The following CPT2 variants were observed in gnomAD, a reference collection of about 807,000 sequenced individuals.
CPT2 encodes the protein carnitine palmitoyltransferase 2.
CPT2 carries 37 observed loss-of-function variants against 48.6 expected under a neutral mutation model. That is an observed-to-expected ratio of 0.76 (90% CI 0.59 to 1.00). CPT2 has a LOEUF of 1.00. Among genes scored for constraint, CPT2 ranks in the 50% least tolerant of loss-of-function variants. The probability of loss-of-function intolerance (pLI) is 0.00; values close to 1 mark genes in which losing one functional copy is unlikely to be tolerated. For synonymous variants in CPT2, 319 were observed against 326.9 expected (o/e 0.98, Z 0.26); for missense variants, 772 against 825.6 (o/e 0.94, Z 0.80).
At chr1:53,209,018 C>T (rs1645404030) in intron 3 of CPT2, 1 of 152,200 alleles carries the variant, frequency 6.6e-6, no homozygotes, top group Non-Finnish European at 1.5e-5. Context: ...AGTAGTTCCA[C>T]TCCTAGCTAT....
intron 4 of CPT2, chr1:53,211,573 C>T: frequency 2.0e-6 from 1 of 511,076 alleles, no homozygotes; most frequent in South Asian, 3.5e-5. Context: ...TCACTTTCAG[C>T]TGTGACGCAT....
At chr1:53,211,403 G>A in intron 4 of CPT2, 84 bp downstream of exon 4, 1 of 1,362,746 alleles carries the variant, frequency 7.3e-7, no homozygotes, top group Non-Finnish European at 1.0e-6. Flanking sequence ...CTCCAAATCT[G>A]ATTTCTACCC....
intron 3 of CPT2, among the ~76,000 whole-genome samples, chr1:53,205,385 T>C (rs182642504): frequency 6.6e-6 from 1 of 152,214 alleles, no homozygotes; most frequent in Admixed American, 6.5e-5. Context: ...CAACAAAGCA[T>C]TCAAGATGGC....
chr1:53,200,624 A>T (rs762746554), intron 1 of CPT2, 95 bp from the exon 2 acceptor site: 11 of 978,888 alleles, frequency 1.1e-5, no homozygotes, highest in Non-Finnish European at 1.6e-5. Flanking sequence ...TTGGGGGAGG[A>T]AATTAATGAT....
chr1:53,201,103 TACCCTTG>T (rs1645352508), intron 2 of CPT2: 2 of 421,042 alleles, frequency 4.8e-6, no homozygotes, highest in Non-Finnish European at 8.9e-6. Context: ...AGAGAGCATG[TACCCTTG>T]GAAGGGAGGT....
chr1:53,203,420 T>C (rs143740456), intron 3 of CPT2: 16 of 152,362 alleles, frequency 1.1e-4, no homozygotes, highest in African/African-American at 3.8e-4. Flanking sequence ...CATATTGGGA[T>C]TGTTTTTCCT....
intron 3 of CPT2, among the ~76,000 whole-genome samples, chr1:53,207,119 C>T (rs1645394390): frequency 6.6e-6 from 1 of 152,184 alleles, no homozygotes; most frequent in South Asian, 2.1e-4. Flanking sequence ...TGTTCTCTCT[C>T]CTGCTGCTGT....
rs2100272169 is a variant in CPT2, at chr1:53,210,267, C to G, written c.593C>G (p.Ser198Cys). ...FKRLIRFVPS[S>C]LSWYGAYLVN... The stretch of plus-strand genomic sequence containing the variant: ...AGACTCATACGCTTTGTGCCTTCCT[C>G]TCTGTCCTGGTATGGGGCCTACCTG... The change falls in exon 4 of 5, where the codon TCT (serine) becomes TGT (cysteine). Residue 198 changes from serine to cysteine, a missense_variant. Coordinates refer to ENST00000371486, the MANE Select transcript of CPT2 (RefSeq NM_000098.3). 1.9e-6 allele frequency: 3 copies of G among 1,614,206 alleles called. No homozygotes were observed. The highest frequency in any genetic ancestry group is 2.5e-6 in the Non-Finnish European group (3 of 1,180,042).
In CPT2 at chr1:53,210,271, G is replaced by C; in HGVS notation, c.597G>C (p.Leu199=). 1.2e-6 allele frequency: 2 copies of C among 1,614,188 alleles called. No homozygotes were observed. Among genetic ancestry groups the C allele is most frequent in the East Asian group, 2.2e-5 (1 of 44,870 alleles). The change falls in exon 4 of 5, where the codon CTG becomes CTC. Residue 199 remains leucine, a synonymous_variant. Transcript: ENST00000371486. ...KRLIRFVPSS[L]SWYGAYLVNA... is the part of the protein sequence containing the mutation. ...TCATACGCTTTGTGCCTTCCTCTCTGTCCTGGTATGGGGCCTACCTGGTCA... is the reference window on the plus strand; with the variant it reads ...TCATACGCTTTGTGCCTTCCTCTCTCTCCTGGTATGGGGCCTACCTGGTCA...
At chr1:53,211,601 T>A in intron 4 of CPT2, 5 of 77,900 alleles carry the variant, frequency 6.4e-5, no homozygotes, top group Non-Finnish European at 1.7e-4. Flanking sequence ...TTTTTCTTTC[T>A]TTTTTTTTTT....
chr1:53,212,722 G>T, intron 4 of CPT2: 1 of 407,524 alleles, frequency 2.5e-6, no homozygotes, highest in Admixed American at 4.1e-5. Context: ...TTGCTATGAA[G>T]TGCTGGAAGT....
At chr1:53,207,396 G>C (rs1198622637) in intron 3 of CPT2, 3 of 152,240 alleles carry the variant, frequency 2.0e-5, no homozygotes, top group African/African-American at 7.2e-5. Context: ...TAGTGTTGTA[G>C]AAGGCAGGGT....
In CPT2 at chr1:53,200,726, A is replaced by G; in HGVS notation, c.160A>G (p.Ile54Val). The G allele has an allele frequency of 6.2e-7, 1 of 1,613,744 alleles. No homozygotes were observed. Among genetic ancestry groups the G allele is most frequent in the Non-Finnish European group, 8.5e-7 (1 of 1,179,670 alleles). ...HYQDSLPRLP[I>V]PKLEDTIRRY... is the part of the protein sequence containing the mutation. ...ACCCTGCTTTCTCCCCAGGCTGCCT[A>G]TTCCCAAACTTGAAGACACCATTAG... is the stretch of plus-strand genomic sequence containing the variant. The change falls in exon 2 of 5, where the codon ATT (isoleucine) becomes GTT (valine). Residue 54 changes from isoleucine to valine, a missense_variant. Physicochemically the swap from Ile to Val is conservative, Grantham distance 29. Transcript: ENST00000371486.
chr1:53,200,892 C>A, intron 2 of CPT2, 93 bp downstream of exon 2: 1 of 999,742 alleles, frequency 1.0e-6, no homozygotes, highest in Non-Finnish European at 1.6e-6. Flanking sequence ...ATGTCTGTGA[C>A]GTGGCTGGGT....
intron 3 of CPT2, chr1:53,203,770 T>A (rs1341973627): frequency 1.0e-5 from 1 of 95,646 alleles, no homozygotes; most frequent in Admixed American, 9.9e-5. Flanking sequence ...ATTTCTTGGC[T>A]TTTTCTTTTT....
rs772541350 is a variant in CPT2 at position 53,210,698 on chromosome 1, A to G, written c.1024A>G (p.Met342Val). Residue 342 changes from methionine to valine, a missense_variant, in exon 4 of 5, where the codon ATG (methionine) becomes GTG (valine). Coordinates refer to ENST00000371486, the MANE Select transcript of CPT2 (RefSeq NM_000098.3). ...IKDLVHLSHN[M>V]LHGDGTNRWF... Reference sequence around the variant, plus strand: ...GGACCTTGTCCACTTGTCCCACAATATGCTGCATGGGGATGGCACAAACCG... The same window carrying G: ...GGACCTTGTCCACTTGTCCCACAATGTGCTGCATGGGGATGGCACAAACCG... 1.2e-6 allele frequency: 2 copies of G among 1,614,188 alleles called. No homozygotes were observed. Among genetic ancestry groups the G allele is most frequent in the Non-Finnish European group, 8.5e-7 (1 of 1,180,048 alleles).
chr1:53,210,761 G>A lies in CPT2; in HGVS notation c.1087G>A (p.Asp363Asn). 2 of 1,614,146 alleles carry A rather than the reference G, an allele frequency of 1.2e-6. No individual in the cohort carries two copies. The highest frequency in any genetic ancestry group is 1.7e-6 in the Non-Finnish European group (2 of 1,180,048). ...ATCCTTTAACCTCATTATCGCCAAG[G>A]ATGGCTCTACTGCCGTCCACTTTGA... Reference protein sequence around the residue: ...DKSFNLIIAKDGSTAVHFEHS... With the variant: ...DKSFNLIIAKNGSTAVHFEHS... Residue 363 changes from aspartate to asparagine, a missense_variant, in exon 4 of 5, where the codon GAT (aspartate) becomes AAT (asparagine). Physicochemically the swap from Asp to Asn is conservative, Grantham distance 23 (BLOSUM62 1). Transcript: ENST00000371486.
rs1306249124 is a variant in CPT2, at chr1:53,211,253, G to A, written c.1579G>A (p.Glu527Lys). 3 of 1,612,500 alleles carry A rather than the reference G, an allele frequency of 1.9e-6. No individual in the cohort carries two copies. Among genetic ancestry groups the A allele is most frequent in the East Asian group, 4.5e-5 (2 of 44,798 alleles). Residue 527 changes from glutamate to lysine, a missense_variant, in exon 4 of 5, where the codon GAG becomes AAG. Glu to Lys is a moderately conservative substitution (Grantham distance 56). Transcript: ENST00000371486. ...VREPSRHSAG[E>K]LQQMMVECSK... is the part of the protein sequence containing the mutation. The stretch of plus-strand genomic sequence containing the variant: ...GGAGCCCTCCAGGCACAGTGCTGGT[G>A]AGCTTCAGCAGATGATGGTTGAGTG...
rs369847007 is a variant in CPT2, at chr1:53,210,817, C to A, written c.1143C>A (p.Leu381=). ...EHSWGDGVAV[L]RFFNEVFKDS... ...CTTGGGGTGATGGTGTGGCAGTGCT[C>A]AGATTTTTTAATGAAGTATTTAAAG... The change falls in exon 4 of 5, where the codon CTC becomes CTA. Residue 381 remains leucine, a synonymous_variant. Coordinates refer to ENST00000371486, the MANE Select transcript of CPT2 (RefSeq NM_000098.3). The A allele has an allele frequency of 6.2e-7, 1 of 1,614,020 alleles. No individual in the cohort carries two copies. Among genetic ancestry groups the A allele is most frequent in the Non-Finnish European group, 8.5e-7 (1 of 1,180,036 alleles).
Sources: allele counts gnomAD v4.1 joint callset (sites outside exome capture counted in the v4.1 genomes callset), GRCh38; gene constraint gnomAD v4.1.1; transcripts MANE v1.5; gene names NCBI Gene and HGNC (gene_info 2026-07-23, HGNC 2026-07-21).